The following MDGA2 variants were observed in gnomAD, a reference collection of about 807,000 sequenced individuals.
MDGA2 encodes MAM domain-containing glycosylphosphatidylinositol anchor protein 2.
A neutral mutation model predicts 117.8 loss-of-function variants in MDGA2; 40 were observed. The observed-to-expected ratio is 0.34, with a 90% CI of 0.26 to 0.44. The LOEUF (loss-of-function observed/expected upper bound fraction) is 0.44, where lower values mean the gene tolerates loss of function less well. MDGA2 is among the 20% of genes least tolerant of loss of function. The pLI is 1.00. For synonymous variants in MDGA2, 452 were observed against 439.0 expected (o/e 1.03, Z -0.37); for missense variants, 1,123 against 1,250.6 (o/e 0.90, Z 1.54).
intron 2 of MDGA2, among the ~76,000 whole-genome samples, chr14:47,296,083 T>A (rs1306183241): frequency 6.6e-6 from 1 of 152,038 alleles, no homozygotes; most frequent in African/African-American, 2.4e-5. Flanking sequence ...ATTTTGAAGC[T>A]GTGCAGTGGA....
chr14:47,106,188 G>A (rs1594626983), intron 5 of MDGA2, among the ~76,000 whole-genome samples: 1 of 152,028 alleles, frequency 6.6e-6, no homozygotes, highest in East Asian at 1.9e-4. Flanking sequence ...AGGTCAAAAG[G>A]CCGTCTTATT....
Position 47,011,977 on chromosome 14 carries a change from G to A in MDGA2, c.1819+23034C>T, listed in dbSNP as rs201744964. ...AGTGTTCAGTTGAGTATGTGCTATT[G>A]TCATCAGCACCTTCCTGAATTGTGT... On this transcript the variant is annotated intron_variant, in intron 8 of 16. Coordinates refer to ENST00000399232, the MANE Select transcript of MDGA2 (RefSeq NM_001113498.3). Among the ~76,000 whole-genome samples the A allele has an allele frequency of 4.4e-5, 5 of 114,926 alleles. No individual in the cohort carries two copies. The East Asian group carries it at 1.2e-3, about 27-fold the overall frequency. 75.4% of individuals were successfully genotyped at this position (114,926 alleles called of 152,430 possible).
At chr14:47,346,463 G>A (rs1190332517) in intron 1 of MDGA2, among the ~76,000 whole-genome samples, 1 of 152,164 alleles carries the variant, frequency 6.6e-6, no homozygotes, top group Non-Finnish European at 1.5e-5. Context: ...AACTGAAGCA[G>A]AGGTTAGAGG....
At chr14:47,164,764 A>G (rs1218316387) in intron 3 of MDGA2, among the ~76,000 whole-genome samples, 1 of 152,206 alleles carries the variant, frequency 6.6e-6, no homozygotes, top group Non-Finnish European at 1.5e-5. Flanking sequence ...TATACCCAAA[A>G]GATTATAAAT....
intron 1 of MDGA2, among the ~76,000 whole-genome samples, chr14:47,488,207 A>T (rs1894099169): frequency 6.6e-6 from 1 of 152,160 alleles, no homozygotes; most frequent in Non-Finnish European, 1.5e-5. Context: ...GAGATTTCAA[A>T]CTAAGATGAT....
At chr14:47,022,802 C>A (rs974596334) in intron 8 of MDGA2, among the ~76,000 whole-genome samples, 1 of 152,122 alleles carries the variant, frequency 6.6e-6, no homozygotes, top group African/African-American at 2.4e-5. Flanking sequence ...AGAGAATAAA[C>A]TGTTCACCTT....
At chr14:47,172,331 G>A (rs1041375997) in intron 3 of MDGA2, among the ~76,000 whole-genome samples, 10 of 152,032 alleles carry the variant, frequency 6.6e-5, no homozygotes, top group East Asian at 3.9e-4. Flanking sequence ...TCTCAGAACC[G>A]GCAAACTGCC....
At chr14:47,175,058 A>G (rs1884371893) in intron 3 of MDGA2, among the ~76,000 whole-genome samples, 1 of 152,028 alleles carries the variant, frequency 6.6e-6, no homozygotes, top group South Asian at 2.1e-4. Flanking sequence ...GAAGAAATGG[A>G]TAAATTCCTC....
chr14:46,928,441 C>T (rs1884414129), intron 9 of MDGA2, among the ~76,000 whole-genome samples: 1 of 152,082 alleles, frequency 6.6e-6, no homozygotes, highest in African/African-American at 2.4e-5. Flanking sequence ...ATAGATTCAT[C>T]TTTTAGATTG....
chr14:47,544,982 T>C (rs1321108263), intron 1 of MDGA2, among the ~76,000 whole-genome samples: 4 of 152,196 alleles, frequency 2.6e-5, no homozygotes, highest in Admixed American at 2.6e-4. Flanking sequence ...GAGTATAAAA[T>C]TATTATCTAA....
At chr14:47,148,244 G>A (rs542304666) in intron 3 of MDGA2, among the ~76,000 whole-genome samples, 1 of 152,194 alleles carries the variant, frequency 6.6e-6, no homozygotes, top group South Asian at 2.1e-4. Context: ...CTGGGAACTG[G>A]GACCTCTAAA....
chr14:47,067,698 T>A (rs983974389), intron 6 of MDGA2, among the ~76,000 whole-genome samples: 1 of 152,144 alleles, frequency 6.6e-6, no homozygotes, highest in Non-Finnish European at 1.5e-5. Flanking sequence ...TAAAGAGGAG[T>A]TAAATGCATC....
chr14:47,579,890 C>T (rs1036285564), intron 1 of MDGA2, among the ~76,000 whole-genome samples: 2 of 152,000 alleles, frequency 1.3e-5, no homozygotes, highest in African/African-American at 4.8e-5. Context: ...ATCACTAAAA[C>T]TATTGGATAC....
intron 2 of MDGA2, among the ~76,000 whole-genome samples, chr14:47,261,899 G>A (rs1327660338): frequency 6.6e-6 from 1 of 152,078 alleles, no homozygotes; most frequent in Non-Finnish European, 1.5e-5. Flanking sequence ...AGTAAACAAG[G>A]AGAGTGGGGG....
At chr14:47,257,246 C>T (rs537170673) in intron 2 of MDGA2, among the ~76,000 whole-genome samples, 2 of 152,140 alleles carry the variant, frequency 1.3e-5, no homozygotes, top group Admixed American at 1.3e-4. Flanking sequence ...CCTACACTCT[C>T]ATAGCCCACA....
chr14:47,175,203 C>T (rs1312576535), intron 3 of MDGA2, among the ~76,000 whole-genome samples: 3 of 151,416 alleles, frequency 2.0e-5, no homozygotes, highest in Admixed American at 6.6e-5. Flanking sequence ...GATTCACAGC[C>T]GAATTCTACC....
intron 1 of MDGA2, among the ~76,000 whole-genome samples, chr14:47,600,751 A>G (rs887809631): frequency 6.7e-6 from 1 of 149,322 alleles, no homozygotes; most frequent in Non-Finnish European, 1.5e-5. Flanking sequence ...GGAAGAGTGC[A>G]CTGCACTTCA....
intron 3 of MDGA2, among the ~76,000 whole-genome samples, chr14:47,164,259 T>G (rs960540141): frequency 2.0e-5 from 3 of 152,198 alleles, no homozygotes; most frequent in Non-Finnish European, 4.4e-5. Flanking sequence ...TGCTATTGGA[T>G]GAAATTTTAG....
At chr14:47,156,431 T>A (rs1290412274) in intron 3 of MDGA2, among the ~76,000 whole-genome samples, 2 of 152,182 alleles carry the variant, frequency 1.3e-5, no homozygotes, top group African/African-American at 4.8e-5. Context: ...TTTAGTCCAC[T>A]CTCCACTACC....
Sources: gnomAD v4.1 joint callset for allele counts (sites outside exome capture counted in the v4.1 genomes callset) on GRCh38, gnomAD v4.1.1 for gene constraint, MANE v1.5 for transcripts, NCBI Gene and HGNC (gene_info 2026-07-23, HGNC 2026-07-21) for gene names.